Variants in GABRB3 observed in about 807,000 individuals in gnomAD.
The protein encoded by GABRB3 is gamma-aminobutyric acid type A receptor subunit beta3.
A neutral mutation model predicts 52.1 loss-of-function variants in GABRB3; 14 were observed. That is an observed-to-expected ratio of 0.27 (90% CI 0.18 to 0.42). The LOEUF (loss-of-function observed/expected upper bound fraction) is 0.42. Among genes scored for constraint, GABRB3 ranks in the 10% least tolerant of loss-of-function variants. The pLI is 1.00. For missense variants in GABRB3, 307 were observed against 609.1 expected, an observed-to-expected ratio of 0.50 and a Z score of 5.22; for synonymous variants, 260 against 232.3, an observed-to-expected ratio of 1.12 and a Z score of -1.08.
intron 3 of GABRB3, among the ~76,000 whole-genome samples, chr15:26,688,176 C>T (rs1888466427): frequency 6.6e-6 from 1 of 152,102 alleles, no homozygotes; most frequent in African/African-American, 2.4e-5. Flanking sequence ...TATCCAATAC[C>T]TTTTTCTCCC....
chr15:26,669,427 C>A (rs1413610356), intron 3 of GABRB3, among the ~76,000 whole-genome samples: 2 of 152,142 alleles, frequency 1.3e-5, no homozygotes, highest in African/African-American at 4.8e-5. Context: ...TATAAGCTGT[C>A]CAAAGCACCT....
intron 3 of GABRB3, among the ~76,000 whole-genome samples, chr15:26,742,737 C>T (rs1890240931): frequency 6.6e-6 from 1 of 152,124 alleles, no homozygotes; most frequent in Admixed American, 6.6e-5. Context: ...AAGGAAAGTC[C>T]TGTAATTCAT....
chr15:26,643,433 G>A (rs1284017095), intron 3 of GABRB3, among the ~76,000 whole-genome samples: 1 of 152,154 alleles, frequency 6.6e-6, no homozygotes, highest in Non-Finnish European at 1.5e-5. Context: ...ACTCCATACA[G>A]CAAACTCCAA....
intron 3 of GABRB3, among the ~76,000 whole-genome samples, chr15:26,710,235 C>T (rs1349706273): frequency 1.3e-5 from 2 of 151,958 alleles, no homozygotes; most frequent in Non-Finnish European, 2.9e-5. Context: ...GCACAGAAAT[C>T]GTGTGGCATA....
At chr15:26,630,188 C>T (rs1418224421) in intron 3 of GABRB3, among the ~76,000 whole-genome samples, 7 of 152,168 alleles carry the variant, frequency 4.6e-5, no homozygotes, top group Admixed American at 2.0e-4. Context: ...TGGGCAGGAG[C>T]CCAGGGCACC....
intron 6 of GABRB3, among the ~76,000 whole-genome samples, chr15:26,572,153 G>A (rs1422796399): frequency 6.6e-6 from 1 of 151,974 alleles, no homozygotes; most frequent in Non-Finnish European, 1.5e-5. Flanking sequence ...GAAACAGTAA[G>A]TGGGGCAAAC....
chr15:26,589,551 A>G (rs1414549384), intron 4 of GABRB3, among the ~76,000 whole-genome samples: 1 of 152,238 alleles, frequency 6.6e-6, no homozygotes, highest in African/African-American at 2.4e-5. Flanking sequence ...CTGTATGCCA[A>G]GGTCCTGGAC....
At chr15:26,611,934 T>C (rs556709907) in intron 4 of GABRB3, 15 of 152,342 alleles carry the variant, frequency 9.8e-5, no homozygotes, top group African/African-American at 2.9e-4. Flanking sequence ...TTCACATAAA[T>C]GTTCGCATTC....
intron 4 of GABRB3, among the ~76,000 whole-genome samples, chr15:26,608,992 A>C (rs547278048): frequency 6.6e-5 from 10 of 152,002 alleles, no homozygotes; most frequent in South Asian, 4.2e-4. Flanking sequence ...GGATGTTAGC[A>C]CTCCCAAGTT....
At chr15:26,558,934 A>T (rs558119361) in intron 8 of GABRB3, among the ~76,000 whole-genome samples, 1 of 152,308 alleles carries the variant, frequency 6.6e-6, no homozygotes, top group East Asian at 1.9e-4. Flanking sequence ...GCTGTACAGG[A>T]AGCATGGTGC....
intron 3 of GABRB3, among the ~76,000 whole-genome samples, chr15:26,627,073 C>A (rs1892727218): frequency 6.6e-6 from 1 of 152,244 alleles, no homozygotes; most frequent in African/African-American, 2.4e-5. Flanking sequence ...GCTCACCCAC[C>A]ATTTTGAAAA....
At chr15:26,713,353 T>A (rs1889363767) in intron 3 of GABRB3, among the ~76,000 whole-genome samples, 1 of 151,944 alleles carries the variant, frequency 6.6e-6, no homozygotes, top group African/African-American at 2.4e-5. Flanking sequence ...GCAGAGAGAA[T>A]GGTACCAGAG....
chr15:26,714,753 A>G (rs1318814464), intron 3 of GABRB3, among the ~76,000 whole-genome samples: 1 of 152,058 alleles, frequency 6.6e-6, no homozygotes, highest in Non-Finnish European at 1.5e-5. Flanking sequence ...CCCAAGATTT[A>G]TTTTCCTTTC....
intron 3 of GABRB3, among the ~76,000 whole-genome samples, chr15:26,660,250 G>A (rs1887498932): frequency 2.0e-5 from 3 of 151,782 alleles, no homozygotes; most frequent in Admixed American, 2.0e-4. Flanking sequence ...AAAAAGAAGG[G>A]AAAATATACG....
At chr15:26,695,275 A>G (rs912178128) in intron 3 of GABRB3, among the ~76,000 whole-genome samples, 1 of 152,180 alleles carries the variant, frequency 6.6e-6, no homozygotes, top group African/African-American at 2.4e-5. Flanking sequence ...AGTCAGAAGG[A>G]AAAAACACGT....
intron 3 of GABRB3, among the ~76,000 whole-genome samples, chr15:26,711,858 G>T (rs1022667599): frequency 2.0e-5 from 3 of 152,236 alleles, no homozygotes; most frequent in African/African-American, 7.2e-5. Flanking sequence ...TTTGCGAAAA[G>T]TAAAACAAGT....
chr15:26,700,724 A>G (rs1370157190), intron 3 of GABRB3, among the ~76,000 whole-genome samples: 1 of 152,236 alleles, frequency 6.6e-6, no homozygotes, highest in Non-Finnish European at 1.5e-5. Flanking sequence ...TAGACATGGG[A>G]AAAACATTTG....
intron 3 of GABRB3, among the ~76,000 whole-genome samples, chr15:26,705,756 T>C (rs1889078153): frequency 6.6e-6 from 1 of 152,054 alleles, no homozygotes; most frequent in Admixed American, 6.5e-5. Flanking sequence ...CAGGAAACAT[T>C]TGGGGGTAGA....
At chr15:26,577,519 A>G (rs769660233) in intron 6 of GABRB3, among the ~76,000 whole-genome samples, 1 of 152,230 alleles carries the variant, frequency 6.6e-6, no homozygotes, top group Non-Finnish European at 1.5e-5. Flanking sequence ...TCTGAAAAAA[A>G]CAAACAAAAC....
Sources: gnomAD v4.1 joint callset for allele counts (sites outside exome capture counted in the v4.1 genomes callset) on GRCh38, gnomAD v4.1.1 for gene constraint, MANE v1.5 for transcripts, NCBI Gene and HGNC (gene_info 2026-07-23, HGNC 2026-07-21) for gene names.